The following SNRNP27 variants were observed in gnomAD, a reference collection of about 807,000 sequenced individuals.
The protein encoded by SNRNP27 is small nuclear ribonucleoprotein U4/U6.U5 subunit 27.
A neutral mutation model predicts 25.1 loss-of-function variants in SNRNP27; 22 were observed. The observed-to-expected ratio is 0.88, with a 90% CI of 0.63 to 1.25. The LOEUF (loss-of-function observed/expected upper bound fraction) is 1.25. Among genes scored for constraint, SNRNP27 ranks in the 50% most tolerant of loss-of-function variants. The pLI is 0.00. For missense variants in SNRNP27, 150 were observed against 202.3 expected (o/e 0.74, Z 1.57); for synonymous variants, 66 against 64.9 (o/e 1.02, Z -0.08).
intron 5 of SNRNP27, 80 bp downstream of exon 5, chr2:69,903,325 T>G (rs982466377): frequency 1.0e-6 from 1 of 980,812 alleles, no homozygotes; most frequent in African/African-American, 1.6e-5. Flanking sequence ...TAATCATGTT[T>G]GTAGGAAATG....
At chr2:69,895,237 G>A in intron 2 of SNRNP27, 23 bp downstream of exon 2, 1 of 1,608,690 alleles carries the variant, frequency 6.2e-7, no homozygotes. Flanking sequence ...AATAAGCCAA[G>A]AGTTTTATTT....
intron 4 of SNRNP27, among the ~76,000 whole-genome samples, chr2:69,900,604 T>C (rs1676676412): frequency 6.6e-6 from 1 of 152,234 alleles, no homozygotes; most frequent in South Asian, 2.1e-4. Context: ...TCAGAATCGG[T>C]CTTTGCCCTG....
intron 2 of SNRNP27, 140 bp downstream of exon 2, chr2:69,895,354 T>G: frequency 9.3e-7 from 1 of 1,072,218 alleles, no homozygotes; most frequent in South Asian, 1.7e-5. Context: ...AACCTTATTC[T>G]AAAGCTAACA....
At chr2:69,900,838 G>A (rs1202818104) in intron 4 of SNRNP27, among the ~76,000 whole-genome samples, 3 of 152,142 alleles carry the variant, frequency 2.0e-5, no homozygotes, top group African/African-American at 7.2e-5. Flanking sequence ...GTCTCATAGG[G>A]AAAATAACTT....
chr2:69,901,272 G>C (rs1676692996), intron 4 of SNRNP27, among the ~76,000 whole-genome samples: 1 of 152,136 alleles, frequency 6.6e-6, no homozygotes, highest in Admixed American at 6.5e-5. Flanking sequence ...CCTGGCACCT[G>C]GAATGTTTGA....
intron 4 of SNRNP27, among the ~76,000 whole-genome samples, chr2:69,900,776 G>T (rs984448567): frequency 6.6e-6 from 1 of 152,252 alleles, no homozygotes; most frequent in African/African-American, 2.4e-5. Context: ...GACCTAGGAT[G>T]TGAGAATGCA....
rs748117441 is a variant in SNRNP27 at position 69,896,547 on chromosome 2, T to G, written c.267T>G (p.Thr89=). 1.9e-6 allele frequency: 3 copies of G among 1,597,056 alleles called. No individual in the cohort carries two copies. The highest frequency in any genetic ancestry group is 2.2e-5 in the South Asian group (2 of 90,378). ...CAAAGAGCAAAGAACGGCAGATTAC[T>G]GGTAATGTTATTAGATAAATAACTG... The part of the protein sequence containing the change: ...KETKSKERQI[T]EEDLEGKTEE... Residue 89 remains threonine, a splice_region_variant and synonymous_variant, in exon 3 of 6, where the codon ACT becomes ACG. Transcript: ENST00000244227.
rs773563795 is a variant in SNRNP27, at chr2:69,895,084, T to G, written c.35-10T>G. On this transcript the variant is annotated splice_polypyrimidine_tract_variant and intron_variant, in intron 1 of 5. Transcript: ENST00000244227. ...TTATCAGTTCTGCAATTTGTGTGCG[T>G]TTGCATTAGAACGTAGGCGTTCCCG... The G allele has an allele frequency of 1.2e-6, 2 of 1,612,032 alleles. No homozygotes were observed. Among genetic ancestry groups the G allele is most frequent in the Non-Finnish European group, 1.7e-6 (2 of 1,179,652 alleles).
chr2:69,896,606 G>T, intron 3 of SNRNP27, 58 bp downstream of exon 3: 2 of 1,432,462 alleles, frequency 1.4e-6, no homozygotes, highest in South Asian at 1.3e-5. Context: ...AATTATAAAA[G>T]TTTAATCTTG....
chr2:69,904,280 T>C lies in SNRNP27; in HGVS notation c.440T>C (p.Phe147Ser). 6.2e-7 allele frequency: 1 copy of C among 1,609,652 alleles called. No individual in the cohort carries two copies. Among genetic ancestry groups the C allele is most frequent in the Non-Finnish European group, 8.5e-7 (1 of 1,178,630 alleles). ...CAGTACATGAATCGAAAAGGTGGATTCAACAGACCTTTGGATTTCATTGCA... is the reference window on the plus strand; with the variant it reads ...CAGTACATGAATCGAAAAGGTGGATCCAACAGACCTTTGGATTTCATTGCA... Reference protein sequence around the residue: ...YRQYMNRKGGFNRPLDFIA With the variant: ...YRQYMNRKGGSNRPLDFIA Residue 147 changes from phenylalanine (F) to serine (S), a missense_variant, in exon 6 of 6, where the codon TTC becomes TCC. Transcript: ENST00000244227.
chr2:69,903,257 C>T lies in SNRNP27; in HGVS notation c.413+12C>T. 1 of 1,586,642 alleles carries T rather than the reference C, an allele frequency of 6.3e-7. No individual in the cohort carries two copies. Among genetic ancestry groups the T allele is most frequent in the Non-Finnish European group, 8.7e-7 (1 of 1,155,430 alleles). On this transcript the variant is annotated intron_variant, in intron 5 of 5. Coordinates refer to ENST00000244227, the MANE Select transcript of SNRNP27 (RefSeq NM_006857.3). ...AAGAGGAAGTACAGGTATGCATAGC[C>T]CCCATTATTATGTTTGAACTAATAA...
Position 69,896,526 on chromosome 2 carries a change from G to A in SNRNP27, c.246G>A (p.Lys82=), listed in dbSNP as rs541847668. 6.2e-7 allele frequency: 1 copy of A among 1,607,060 alleles called. No individual in the cohort carries two copies. The highest frequency in any genetic ancestry group is 8.5e-7 in the Non-Finnish European group (1 of 1,175,986). Residue 82 remains lysine, a synonymous_variant, in exon 3 of 6, where the codon AAG becomes AAA. Transcript: ENST00000244227. The stretch of plus-strand genomic sequence containing the variant: ...AAAAGAAAGAAACAAAAGAAACAAA[G>A]AGCAAAGAACGGCAGATTACTGGTA... ...DEEKKETKET[K]SKERQITEED... is the part of the protein sequence containing the mutation.
At chr2:69,899,488 G>A (rs971881969) in intron 4 of SNRNP27, among the ~76,000 whole-genome samples, 3 of 151,678 alleles carry the variant, frequency 2.0e-5, no homozygotes, top group African/African-American at 7.3e-5. Context: ...GGAGTGCAGC[G>A]GCGCAATCTC....
intron 4 of SNRNP27, among the ~76,000 whole-genome samples, chr2:69,900,386 T>C (rs1676674024): frequency 1.3e-5 from 2 of 152,238 alleles, no homozygotes; most frequent in African/African-American, 4.8e-5. Flanking sequence ...TTTACTTTTT[T>C]GTGCCCAAGA....
intron 2 of SNRNP27, 129 bp downstream of exon 2, chr2:69,895,343 C>T (rs1676582439): frequency 2.7e-6 from 3 of 1,128,526 alleles, no homozygotes; most frequent in East Asian, 5.2e-5. Flanking sequence ...AAACTTAATC[C>T]AACCTTATTC....
At chr2:69,894,540 T>G (rs1676565670) in intron 1 of SNRNP27, among the ~76,000 whole-genome samples, 3 of 152,110 alleles carry the variant, frequency 2.0e-5, no homozygotes, top group Admixed American at 2.0e-4. Context: ...GAATTTTGAG[T>G]CCTGGGAGCT....
At chr2:69,902,943 T>C (rs1448192956) in intron 4 of SNRNP27, among the ~76,000 whole-genome samples, 18 of 137,820 alleles carry the variant, frequency 1.3e-4, no homozygotes, top group Non-Finnish European at 2.3e-4. Flanking sequence ...TTCTTCTTTT[T>C]TTTTTTTTTT....
intron 4 of SNRNP27, among the ~76,000 whole-genome samples, chr2:69,901,868 G>A (rs1044093929): frequency 6.6e-6 from 1 of 152,118 alleles, no homozygotes; most frequent in African/African-American, 2.4e-5. Context: ...GGTTGTACAA[G>A]AAATGGGATT....
In SNRNP27 at chr2:69,895,581, C is replaced by T. The variant is rs561444997; in HGVS notation, c.155+367C>T. On this transcript the variant is annotated intron_variant, in intron 2 of 5. Transcript: ENST00000244227. Reference sequence around the variant, plus strand: ...TTTTTGAGACGGAGTCTCGCTCTGTCACCCAGGCTGGAGTGCAGCGGCGCA... The same window carrying T: ...TTTTTGAGACGGAGTCTCGCTCTGTTACCCAGGCTGGAGTGCAGCGGCGCA... Among the ~76,000 whole-genome samples the T allele has an allele frequency of 8.5e-5, 13 of 152,224 alleles. No homozygotes were observed. In the South Asian group the frequency reaches 2.7e-3, roughly 32 times the overall value.
Sources: gnomAD v4.1 joint callset for allele counts (sites outside exome capture counted in the v4.1 genomes callset) on GRCh38, gnomAD v4.1.1 for gene constraint, MANE v1.5 for transcripts, NCBI Gene and HGNC (gene_info 2026-07-23, HGNC 2026-07-21) for gene names.